LRRC41: variants seen among roughly 807,000 people sequenced by gnomAD.
LRRC41 encodes leucine-rich repeat-containing protein 41.
LRRC41 carries 17 observed loss-of-function variants against 72.1 expected under a neutral mutation model. The ratio of observed to expected loss-of-function variants is 0.24; its 90% confidence interval spans 0.16 to 0.35. LRRC41 has a LOEUF of 0.35. Among genes scored for constraint, LRRC41 ranks in the 10% least tolerant of loss-of-function variants. The pLI, the probability that LRRC41 is intolerant of heterozygous loss-of-function variation, is 1.00. For missense variants in LRRC41, 759 were observed against 1,065.0 expected (o/e 0.71, Z 4.00); for synonymous variants, 427 against 431.0 (o/e 0.99, Z 0.11).
chr1:46,280,518 GCTC>G lies in LRRC41; in HGVS notation c.1796_1798del (p.Gly599del), dbSNP rs1660750707. The G allele has an allele frequency of 3.7e-6, 6 of 1,614,136 alleles. No individual in the cohort carries two copies. The highest frequency in any genetic ancestry group is 5.1e-6 in the Non-Finnish European group (6 of 1,180,046). On this transcript the variant is annotated inframe_deletion, in exon 6 of 10. Transcript: ENST00000617190. ...GGAGCACAGCAGTGGGGCTGGCTGG[GCTC>G]CCCGTGGAAATCCCATCTCCAACTG...
At chr1:46,284,654 C>T (rs889236530) in intron 4 of LRRC41, among the ~76,000 whole-genome samples, 3 of 152,016 alleles carry the variant, frequency 2.0e-5, no homozygotes, top group Non-Finnish European at 4.4e-5. Context: ...GGCTGCTTAG[C>T]AAGCTAAAGA....
At chr1:46,289,088 T>C (rs1350386754) in intron 3 of LRRC41, among the ~76,000 whole-genome samples, 1 of 151,998 alleles carries the variant, frequency 6.6e-6, no homozygotes, top group Non-Finnish European at 1.5e-5. Flanking sequence ...ACAGGGGAAA[T>C]ATAGGTTAGA....
In LRRC41 at chr1:46,277,706, A is replaced by G; in HGVS notation, c.*1159T>C. The G allele has an allele frequency of 1.6e-6, 2 of 1,251,752 alleles. No individual in the cohort carries two copies. The highest frequency in any genetic ancestry group is 1.7e-5 in the Admixed American group (1 of 58,644). 77.5% of individuals were successfully genotyped at this position (1,251,752 alleles called of 1,614,324 possible). ...GTTCTGGGACTCATACTTTTTATTC[A>G]TCTCCTCTTCTCGGGTAGCTGTAGT... On this transcript the variant is annotated 3_prime_UTR_variant, in exon 10 of 10. Transcript: ENST00000617190.
In LRRC41 at chr1:46,277,818, C is replaced by T. The variant is rs765569038; in HGVS notation, c.*1047G>A. 5 of 1,605,134 alleles carry T rather than the reference C, an allele frequency of 3.1e-6. No individual in the cohort carries two copies. The highest frequency in any genetic ancestry group is 4.3e-6 in the Non-Finnish European group (5 of 1,172,102). On this transcript the variant is annotated 3_prime_UTR_variant, in exon 10 of 10. Transcript: ENST00000617190. ...CATTCCCCACCTCCTCTTCCCCAGG[C>T]AGGGACCATTGAGGAGAAGATCTTC...
chr1:46,283,454 A>G (rs1175761055), intron 4 of LRRC41, among the ~76,000 whole-genome samples: 1 of 152,190 alleles, frequency 6.6e-6, no homozygotes, highest in Non-Finnish European at 1.5e-5. Context: ...CCCTGTCCTT[A>G]CTAAAAATAT....
rs372898426 is a variant in LRRC41, at chr1:46,280,368, T to A, written c.1921+28A>T. On this transcript the variant is annotated intron_variant, in intron 6 of 9. Coordinates refer to ENST00000617190, the MANE Select transcript of LRRC41 (RefSeq NM_006369.5). ...AGTGCTAGGTCCCCACCTACTCCTC[T>A]CCCTTCACCATTCTGGCTGGGTCCT... 11 of 1,613,986 alleles carry A rather than the reference T, an allele frequency of 6.8e-6. No individual in the cohort carries two copies. The African/African-American group carries it at 1.5e-4, about 22-fold the overall frequency.
chr1:46,290,717 G>T (rs1450876546), intron 3 of LRRC41, among the ~76,000 whole-genome samples: 4 of 145,186 alleles, frequency 2.8e-5, no homozygotes, highest in African/African-American at 7.7e-5. Context: ...AGCAATTCTT[G>T]TGCCTCAGCC....
intron 5 of LRRC41, 25 bp downstream of exon 5, chr1:46,281,100 C>G (rs199854448): frequency 1.2e-6 from 2 of 1,611,864 alleles, no homozygotes; most frequent in African/African-American, 1.3e-5. Context: ...CGTGCACACA[C>G]ACAAACACAC....
In LRRC41 at chr1:46,279,419, C is replaced by G; in HGVS notation, c.2143+73G>C. On this transcript the variant is annotated intron_variant, in intron 8 of 9. Coordinates refer to ENST00000617190, the MANE Select transcript of LRRC41 (RefSeq NM_006369.5). The surrounding 1 kb of genome is among the most constrained non-coding windows in gnomAD (Gnocchi z 4.5). ...CACGTTCCCAGTGGAGAGGTCTTTG[C>G]CTTTATCCAGTGAGTTTTTAGGTCA... is the stretch of plus-strand genomic sequence containing the variant. 2 of 1,610,096 alleles carry G rather than the reference C, an allele frequency of 1.2e-6. No individual in the cohort carries two copies. The highest frequency in any genetic ancestry group is 1.7e-6 in the Non-Finnish European group (2 of 1,176,534).
intron 3 of LRRC41, among the ~76,000 whole-genome samples, chr1:46,291,749 G>A (rs1245996638): frequency 2.0e-5 from 3 of 151,014 alleles, no homozygotes; most frequent in Admixed American, 1.3e-4. Context: ...TAGTAGAGAC[G>A]GGGTTTCACC....
At chr1:46,300,215 C>T (rs1358690174) in intron 1 of LRRC41, 1 of 152,080 alleles carries the variant, frequency 6.6e-6, no homozygotes. Context: ...GCCTGTGGTC[C>T]CAGCTACTCG....
chr1:46,285,074 T>C lies in LRRC41; in HGVS notation c.1495+288A>G. 1 of 463,594 alleles carries C rather than the reference T, an allele frequency of 2.2e-6. No individual in the cohort carries two copies. The highest frequency in any genetic ancestry group is 4.0e-6 in the Non-Finnish European group (1 of 250,122). 28.7% of individuals were successfully genotyped at this position (463,594 alleles called of 1,614,324 possible). On this transcript the variant is annotated intron_variant, in intron 4 of 9. Transcript: ENST00000617190. The surrounding 1 kb of genome is among the most constrained non-coding windows in gnomAD (Gnocchi z 5.3). The stretch of plus-strand genomic sequence containing the variant: ...ATGCATATACTATACTGCTCCCACC[T>C]GCCCTTGGACTGCCTTCCATATCTA...
In LRRC41 at chr1:46,297,642, A is replaced by G. The variant is rs946303183; in HGVS notation, c.287-9T>C. 2.0e-5 allele frequency: 33 copies of G among 1,610,792 alleles called. No individual in the cohort carries two copies. The highest frequency in any genetic ancestry group is 2.7e-5 in the African/African-American group (2 of 74,862). On this transcript the variant is annotated splice_polypyrimidine_tract_variant and intron_variant, in intron 2 of 9. Coordinates refer to ENST00000617190, the MANE Select transcript of LRRC41 (RefSeq NM_006369.5). Reference sequence around the variant, plus strand: ...GGCCTGAGTTGAGAGGCCTGTAAGGAGAAATATCACACTTGGCTGCTTACT... The same window carrying G: ...GGCCTGAGTTGAGAGGCCTGTAAGGGGAAATATCACACTTGGCTGCTTACT...
rs775910871 is a variant in LRRC41 at position 46,279,497 on chromosome 1, C to T, written c.2138G>A (p.Arg713His). 2.2e-5 allele frequency: 36 copies of T among 1,614,224 alleles called. No individual in the cohort carries two copies. The highest frequency in any genetic ancestry group is 4.5e-5 in the East Asian group (2 of 44,880). The stretch of plus-strand genomic sequence containing the variant: ...CCCCAGGGTCTGGCCCCCACCCAGG[C>T]GGTTCCCTGGCAGCCGGAGGCCCTT... ...TLKGLRLPGN[R>H]LGNAGLLALA... Residue 713 changes from arginine (R) to histidine (H), a missense_variant, in exon 8 of 10, where the codon CGC (arginine) becomes CAC (histidine). Transcript: ENST00000617190. The surrounding 1 kb of genome is among the most constrained non-coding windows in gnomAD (Gnocchi z 4.5).
intron 5 of LRRC41, among the ~76,000 whole-genome samples, 187 bp downstream of exon 5, chr1:46,280,938 T>A (rs754393000): frequency 6.6e-6 from 1 of 152,214 alleles, no homozygotes; most frequent in Non-Finnish European, 1.5e-5. Context: ...GCTGGTCTTA[T>A]GGTGGTTTAG....
In LRRC41 at chr1:46,302,111, A is replaced by T; in HGVS notation, c.199+1013T>A. On this transcript the variant is annotated intron_variant, in intron 1 of 9. Transcript: ENST00000617190. The surrounding 1 kb of genome is among the most constrained non-coding windows in gnomAD (Gnocchi z 4.7). ...GCCGGTTCGCCCTCCCCGGCCGTTC[A>T]TCCCGGCGCCCCAGGCCGCCCTCCA... is the stretch of plus-strand genomic sequence containing the variant. The T allele has an allele frequency of 2.0e-6, 2 of 984,948 alleles. No individual in the cohort carries two copies. Among genetic ancestry groups the T allele is most frequent in the African/African-American group, 1.7e-5 (1 of 57,204 alleles). The allele number at this position is 984,948 out of a possible 1,614,324, so 61.0% of individuals were successfully genotyped here.
Position 46,279,683 on chromosome 1 carries a change from T to G in LRRC41, c.2021-69A>C, listed in dbSNP as rs1229480896. The G allele has an allele frequency of 3.1e-6, 5 of 1,599,130 alleles. No individual in the cohort carries two copies. Among genetic ancestry groups the G allele is most frequent in the Non-Finnish European group, 3.4e-6 (4 of 1,169,396 alleles). On this transcript the variant is annotated intron_variant, in intron 7 of 9. Transcript: ENST00000617190. The surrounding 1 kb of genome is among the most constrained non-coding windows in gnomAD (Gnocchi z 4.5). ...CTGGTGCTGCCCCTCCTGCCCCAGT[T>G]GGCCCTAGCAAGGGGTATTAACATT...
rs1427690401 is a variant in LRRC41 at position 46,285,051 on chromosome 1, G to A, written c.1495+311C>T. ...TCAAACTCTAGCCCTGCCTGAGCAT[G>A]CATATACTATACTGCTCCCACCTGC... On this transcript the variant is annotated intron_variant, in intron 4 of 9. Coordinates refer to ENST00000617190, the MANE Select transcript of LRRC41 (RefSeq NM_006369.5). This position sits in a 1 kb window ranked among gnomAD's most constrained non-coding sequence, Gnocchi z 5.3. The A allele has an allele frequency of 7.9e-6, 3 of 380,742 alleles. No homozygotes were observed. Among genetic ancestry groups the A allele is most frequent in the Non-Finnish European group, 1.0e-5 (2 of 200,870 alleles). The allele number at this position is 380,742 out of a possible 1,614,324, so 23.6% of individuals were successfully genotyped here.
In LRRC41 at chr1:46,285,206, G is replaced by C; in HGVS notation, c.1495+156C>G. ...ATAGACTTTATGTTCCTCTCTTCTA[G>C]CAATGACAGTCTCCCCTGCTATGAG... On this transcript the variant is annotated intron_variant, in intron 4 of 9. Coordinates refer to ENST00000617190, the MANE Select transcript of LRRC41 (RefSeq NM_006369.5). This position sits in a 1 kb window ranked among gnomAD's most constrained non-coding sequence, Gnocchi z 5.3. 1.4e-6 allele frequency: 1 copy of C among 702,928 alleles called. No homozygotes were observed. The allele number at this position is 702,928 out of a possible 1,614,324, so 43.5% of individuals were successfully genotyped here. A position where few individuals can be genotyped will look rare whatever the true frequency, so the allele number is the denominator to read the frequency against.
Sources: gnomAD v4.1 joint callset for allele counts (sites outside exome capture counted in the v4.1 genomes callset) on GRCh38, gnomAD v4.1.1 for gene constraint, Gnocchi (gnomAD v3.1) non-coding constraint, MANE v1.5 for transcripts, NCBI Gene and HGNC (gene_info 2026-07-23, HGNC 2026-07-21) for gene names.